Variants in PRKAR2B observed in about 807,000 individuals in gnomAD.
PRKAR2B encodes protein kinase cAMP-dependent type II regulatory subunit beta.
PRKAR2B carries 14 observed loss-of-function variants against 49.9 expected under a neutral mutation model. That is an observed-to-expected ratio of 0.28 (90% confidence interval 0.19 to 0.44). The LOEUF is 0.44. PRKAR2B is among the 20% of genes least tolerant of loss of function. PRKAR2B has a pLI of 1.00. For missense variants in PRKAR2B, 393 were observed against 537.9 expected (o/e 0.73, Z 2.67); for synonymous variants, 196 against 197.7 (o/e 0.99, Z 0.07).
At chr7:107,131,477 C>T (rs1397953171) in intron 4 of PRKAR2B, among the ~76,000 whole-genome samples, 1 of 152,130 alleles carries the variant, frequency 6.6e-6, no homozygotes. Flanking sequence ...TTCTTTTAGA[C>T]TTTTTTTCAC....
At position 107,078,944 on chromosome 7, in the gene PRKAR2B, C is replaced by T. The variant is rs142252794; in HGVS notation, c.343+8628C>T. 3.8e-3 allele frequency among the ~76,000 whole-genome samples: 582 copies of T among 152,274 alleles called. 2 individuals carry two copies. The highest frequency in any genetic ancestry group is 0.024 in the Middle Eastern group (7 of 294). ...TCTGCGCCTATAGTGTCCTCAGACT[C>T]TTCACACTGGTGGTTTTGCCAGTCG... On this transcript the variant is annotated intron_variant, in intron 2 of 10. Transcript: ENST00000265717.
At chr7:107,063,883 T>G (rs1310074485) in intron 1 of PRKAR2B, among the ~76,000 whole-genome samples, 1 of 152,188 alleles carries the variant, frequency 6.6e-6, no homozygotes, top group Non-Finnish European at 1.5e-5. Context: ...TTTCCGGTGT[T>G]CTTAGCCTAG....
chr7:107,150,291 A>G (rs907953689), intron 6 of PRKAR2B, among the ~76,000 whole-genome samples: 1 of 152,182 alleles, frequency 6.6e-6, no homozygotes, highest in Non-Finnish European at 1.5e-5. Context: ...TAGACTGTGA[A>G]CATGGTAAAC....
At chr7:107,129,621 A>G (rs1241488752) in intron 4 of PRKAR2B, among the ~76,000 whole-genome samples, 3 of 152,202 alleles carry the variant, frequency 2.0e-5, no homozygotes, top group Admixed American at 1.3e-4. Context: ...AAATGAATTC[A>G]GGGTGAGTCT....
intron 2 of PRKAR2B, among the ~76,000 whole-genome samples, chr7:107,119,719 C>A (rs571794111): frequency 1.3e-5 from 2 of 152,308 alleles, no homozygotes; most frequent in East Asian, 3.9e-4. Flanking sequence ...AGCAATCTTT[C>A]AATAGTGACT....
chr7:107,068,123 T>C (rs1794189033), intron 1 of PRKAR2B, among the ~76,000 whole-genome samples: 8 of 152,188 alleles, frequency 5.3e-5, no homozygotes, highest in Admixed American at 5.2e-4. Flanking sequence ...AAACATCTTC[T>C]AGATAGCGAT....
At chr7:107,046,160 C>A (rs1793688692) in intron 1 of PRKAR2B, among the ~76,000 whole-genome samples, 1 of 152,332 alleles carries the variant, frequency 6.6e-6, no homozygotes, top group African/African-American at 2.4e-5. Flanking sequence ...CAGACACACA[C>A]CCTCATTTAC....
chr7:107,102,496 A>G (rs1255218211), intron 2 of PRKAR2B, among the ~76,000 whole-genome samples: 1 of 152,202 alleles, frequency 6.6e-6, no homozygotes, highest in East Asian at 1.9e-4. Flanking sequence ...CTGTTGCTCT[A>G]ATAAATTTGG....
intron 1 of PRKAR2B, among the ~76,000 whole-genome samples, chr7:107,058,090 G>A (rs1460724664): frequency 6.6e-6 from 1 of 151,404 alleles, no homozygotes; most frequent in African/African-American, 2.4e-5. Context: ...ATGGGATAAA[G>A]CTTTGCTTTG....
In PRKAR2B at chr7:107,044,749, C is replaced by T; in HGVS notation, c.-159C>T. On this transcript the variant is annotated 5_prime_UTR_variant, in exon 1 of 11. Transcript: ENST00000265717. ...CACGGAGCAGACGCGCGCCGGGAGC[C>T]GCGGGCCGGGCCAGCCGGGCCGCCG... The T allele has an allele frequency of 4.1e-6, 1 of 244,988 alleles. No individual in the cohort carries two copies. Among genetic ancestry groups the T allele is most frequent in the Non-Finnish European group, 6.6e-6 (1 of 150,850 alleles). 15.2% of individuals were successfully genotyped at this position (244,988 alleles called of 1,614,324 possible).
chr7:107,045,009 G>A lies in PRKAR2B; in HGVS notation c.102G>A (p.Gln34=), dbSNP rs759935878. The part of the protein sequence containing the change: ...QPADLLEFAL[Q]HFTRLQQENE... ...CGGACCTGCTGGAGTTCGCGCTGCA[G>A]CACTTCACCCGCCTGCAGCAGGAGA... Residue 34 remains glutamine (Q), a synonymous_variant, in exon 1 of 11, where the codon CAG becomes CAA. Transcript: ENST00000265717. The A allele has an allele frequency of 6.5e-7, 1 of 1,548,060 alleles. No homozygotes were observed.
chr7:107,090,224 C>A (rs562368350), intron 2 of PRKAR2B, among the ~76,000 whole-genome samples: 2 of 152,218 alleles, frequency 1.3e-5, no homozygotes, highest in South Asian at 2.1e-4. Context: ...GGTTTTGAGC[C>A]CTGTTAGGAA....
At chr7:107,070,631 C>T (rs1044875249) in intron 2 of PRKAR2B, among the ~76,000 whole-genome samples, 10 of 152,120 alleles carry the variant, frequency 6.6e-5, no homozygotes, top group East Asian at 3.9e-4. Flanking sequence ...GATAGAATTA[C>T]GATCTGTATG....
chr7:107,114,472 G>T (rs1795234083), intron 2 of PRKAR2B, among the ~76,000 whole-genome samples: 1 of 150,528 alleles, frequency 6.6e-6, no homozygotes, highest in Non-Finnish European at 1.5e-5. Flanking sequence ...AGTGATTCTT[G>T]TGCCTTAGCC....
chr7:107,054,494 A>T (rs1175630412), intron 1 of PRKAR2B, among the ~76,000 whole-genome samples: 2 of 151,532 alleles, frequency 1.3e-5, no homozygotes, highest in Admixed American at 6.6e-5. Context: ...GCTAAATCTC[A>T]CTCTTTTCCC....
At chr7:107,064,284 TTTA>T (rs760689570) in intron 1 of PRKAR2B, among the ~76,000 whole-genome samples, 2 of 152,270 alleles carry the variant, frequency 1.3e-5, no homozygotes, top group Non-Finnish European at 2.9e-5. Flanking sequence ...TTTTTTCTAA[TTTA>T]ATCATTCTAT....
chr7:107,136,465 T>C (rs1795703755), intron 4 of PRKAR2B, among the ~76,000 whole-genome samples: 1 of 152,062 alleles, frequency 6.6e-6, no homozygotes, highest in African/African-American at 2.4e-5. Flanking sequence ...AACTCAACAG[T>C]AGTAAACCAT....
chr7:107,085,982 C>T (rs1794612073), intron 2 of PRKAR2B, among the ~76,000 whole-genome samples: 1 of 152,282 alleles, frequency 6.6e-6, no homozygotes, highest in South Asian at 2.1e-4. Context: ...AAATTGCCCT[C>T]TAAAACAGTA....
rs906334031 is a variant in PRKAR2B, at chr7:107,063,530, C to T, written c.308-6751C>T. Among the ~76,000 whole-genome samples the T allele has an allele frequency of 6.6e-5, 10 of 152,014 alleles. No homozygotes were observed. In the South Asian group the frequency reaches 8.3e-4, roughly 13 times the overall value. On this transcript the variant is annotated intron_variant, in intron 1 of 10. Coordinates refer to ENST00000265717, the MANE Select transcript of PRKAR2B (RefSeq NM_002736.3). ...TTTGCCAGCTCTGGAGAAAAGGAAA[C>T]GGGATGATACCATGGAAAGGAACAA...
Sources: allele counts gnomAD v4.1 joint callset (sites outside exome capture counted in the v4.1 genomes callset), GRCh38; gene constraint gnomAD v4.1.1; transcripts MANE v1.5; gene names NCBI Gene and HGNC (gene_info 2026-07-23, HGNC 2026-07-21).